The following SLC15A5 variants were observed in gnomAD, a reference collection of about 807,000 sequenced individuals.
SLC15A5 encodes Peptide/histidine transporter ENSP00000340402.
In SLC15A5, 58 loss-of-function variants were observed where a neutral mutation model predicts 56.1. The observed-to-expected ratio is 1.03, with a 90% CI of 0.84 to 1.29. The LOEUF (loss-of-function observed/expected upper bound fraction) is 1.29. Ranked by LOEUF, SLC15A5 falls within the 50% of genes most tolerant of loss-of-function variation. The probability of loss-of-function intolerance (pLI) is 0.00; values close to 1 mark genes in which losing one functional copy is unlikely to be tolerated. For missense variants in SLC15A5, 681 were observed against 672.1 expected, an observed-to-expected ratio of 1.01 and a Z score of -0.15; for synonymous variants, 264 against 250.5, an observed-to-expected ratio of 1.05 and a Z score of -0.51.
rs371040459 is a variant in SLC15A5, at chr12:16,272,787, T to C, written c.362-4A>G. The C allele has an allele frequency of 1.8e-4, 275 of 1,535,694 alleles. No homozygotes were observed. The highest frequency in any genetic ancestry group is 3.3e-4 in the Admixed American group (17 of 50,926). Reference sequence around the variant, plus strand: ...ACCACAGATAACAAAGCAGTGCCTGTAGGTGGAGAAAAAAAAAGAGTAAAT... The same window carrying C: ...ACCACAGATAACAAAGCAGTGCCTGCAGGTGGAGAAAAAAAAAGAGTAAAT... On this transcript the variant is annotated splice_region_variant and splice_polypyrimidine_tract_variant and intron_variant, in intron 1 of 8. Transcript: ENST00000344941.
chr12:16,260,372 C>A (rs1864631337), intron 2 of SLC15A5, among the ~76,000 whole-genome samples: 1 of 152,116 alleles, frequency 6.6e-6, no homozygotes, highest in East Asian at 1.9e-4. Flanking sequence ...TTCTTTCCAC[C>A]TTTTGGAATC....
intron 7 of SLC15A5, among the ~76,000 whole-genome samples, chr12:16,195,122 T>C (rs1015872457): frequency 1.3e-5 from 2 of 152,054 alleles, no homozygotes; most frequent in South Asian, 4.1e-4. Flanking sequence ...TATATGAAAC[T>C]ATTCAAGGTT....
intron 1 of SLC15A5, among the ~76,000 whole-genome samples, chr12:16,274,979 A>G (rs2136829443): frequency 6.6e-6 from 1 of 152,226 alleles, no homozygotes; most frequent in South Asian, 2.1e-4. Flanking sequence ...TCTCATCATC[A>G]GTATGCCTGC....
chr12:16,254,209 G>A (rs999093032), intron 3 of SLC15A5, among the ~76,000 whole-genome samples: 9 of 151,830 alleles, frequency 5.9e-5, no homozygotes, highest in African/African-American at 2.2e-4. Context: ...GTCTTAAAAG[G>A]ACAAAGACCC....
chr12:16,246,939 G>A (rs930213410), intron 3 of SLC15A5, among the ~76,000 whole-genome samples: 7 of 151,982 alleles, frequency 4.6e-5, no homozygotes, highest in East Asian at 1.9e-4. Context: ...CTCAACTATC[G>A]TGGTCAATTC....
At chr12:16,244,286 G>A (rs1022914965) in intron 4 of SLC15A5, among the ~76,000 whole-genome samples, 11 of 152,130 alleles carry the variant, frequency 7.2e-5, no homozygotes, top group African/African-American at 2.7e-4. Flanking sequence ...TGATATGTTC[G>A]TGCACTGCTC....
intron 3 of SLC15A5, among the ~76,000 whole-genome samples, chr12:16,249,531 T>C (rs1864499427): frequency 6.6e-6 from 1 of 152,136 alleles, no homozygotes; most frequent in Non-Finnish European, 1.5e-5. Flanking sequence ...TCTATGCTAA[T>C]TGTTCCTGTA....
intron 5 of SLC15A5, among the ~76,000 whole-genome samples, chr12:16,230,811 T>C (rs1217583869): frequency 5.3e-5 from 8 of 149,714 alleles, no homozygotes; most frequent in Non-Finnish European, 8.9e-5. Context: ...TAGTCCCAGC[T>C]ACTCGGGAGG....
At chr12:16,215,920 G>T (rs1251031202) in intron 7 of SLC15A5, among the ~76,000 whole-genome samples, 2 of 152,130 alleles carry the variant, frequency 1.3e-5, no homozygotes, top group Admixed American at 6.5e-5. Flanking sequence ...TATCACCAGT[G>T]CCCAGTATGG....
chr12:16,252,648 TGAA>T (rs1335670465), intron 3 of SLC15A5, among the ~76,000 whole-genome samples: 1 of 151,972 alleles, frequency 6.6e-6, no homozygotes, highest in Non-Finnish European at 1.5e-5. Flanking sequence ...TAAAAAAAAT[TGAA>T]GAATATACAA....
intron 7 of SLC15A5, among the ~76,000 whole-genome samples, chr12:16,199,790 C>T (rs555552114): frequency 1.1e-4 from 16 of 151,884 alleles, no homozygotes; most frequent in Non-Finnish European, 2.2e-4. Flanking sequence ...ACATAGTCAT[C>T]CAAGAAGTAT....
rs200058255 is a variant in SLC15A5, at chr12:16,237,792, C to CA, written c.1162+1888dup. ...GATTGGGGTGTTTCATGACACTGTA[C>CA]AAAACTGCTGAGATTTTTGGCATTT... On this transcript the variant is annotated intron_variant, in intron 5 of 8. Transcript: ENST00000344941. This position sits in a 1 kb window ranked among gnomAD's most constrained non-coding sequence, Gnocchi z 4.1. Among the ~76,000 whole-genome samples, 1,627 of 152,244 alleles carry CA rather than the reference C, an allele frequency of 0.011. 16 individuals carry two copies. Among genetic ancestry groups the CA allele is most frequent in the Non-Finnish European group, 0.018 (1,231 of 68,016 alleles).
chr12:16,198,561 T>A (rs1453803866), intron 7 of SLC15A5, among the ~76,000 whole-genome samples: 1 of 152,118 alleles, frequency 6.6e-6, no homozygotes, highest in Non-Finnish European at 1.5e-5. Flanking sequence ...CTCTTGGTGT[T>A]TAATGCAACT....
At position 16,189,597 on chromosome 12, in the gene SLC15A5, C is replaced by G. The variant is rs1302438137; in HGVS notation, c.*71G>C. On this transcript the variant is annotated 3_prime_UTR_variant, in exon 9 of 9. Coordinates refer to ENST00000344941, the MANE Select transcript of SLC15A5 (RefSeq NM_001170798.1). The stretch of plus-strand genomic sequence containing the variant: ...ATATATTGGCTTTTACACTAAAACA[C>G]ATAAAATGCTCAACTGAAGAAGAAA... 1 of 1,307,570 alleles carries G rather than the reference C, an allele frequency of 7.6e-7. No individual in the cohort carries two copies. Among genetic ancestry groups the G allele is most frequent in the African/African-American group, 1.5e-5 (1 of 67,342 alleles). The allele number at this position is 1,307,570 out of a possible 1,614,324, so 81.0% of individuals were successfully genotyped here. A position where few individuals can be genotyped will look rare whatever the true frequency, so the allele number is the denominator to read the frequency against.
Position 16,189,765 on chromosome 12 carries a change from A to C in SLC15A5, c.1643T>G (p.Leu548Arg). The change falls in exon 9 of 9, where the codon CTT (leucine) becomes CGT (arginine). Residue 548 changes from leucine to arginine, a missense_variant. By Grantham distance (102) the Leu-to-Arg change is moderately radical (BLOSUM62 -2). Coordinates refer to ENST00000344941, the MANE Select transcript of SLC15A5 (RefSeq NM_001170798.1). The stretch of plus-strand genomic sequence containing the variant: ...TTCGTGGAGGAGAAGTGTTTCTTCA[A>C]GATTACTTCCACGGATGTTCTGGGC... ...FNAQNIRGSN[L>R]EETLLLHEKS... 1 of 1,529,990 alleles carries C rather than the reference A, an allele frequency of 6.5e-7. No homozygotes were observed. Among genetic ancestry groups the C allele is most frequent in the Middle Eastern group, 1.7e-4 (1 of 5,950 alleles). The allele number at this position is 1,529,990 out of a possible 1,614,324, so 94.8% of individuals were successfully genotyped here.
chr12:16,238,165 T>C (rs1034549977), intron 5 of SLC15A5, among the ~76,000 whole-genome samples: 6 of 152,164 alleles, frequency 3.9e-5, no homozygotes, highest in Admixed American at 3.3e-4. Context: ...GTGAGTTTAG[T>C]CACTTTTAGT....
rs1157967038 is a variant in SLC15A5 at position 16,257,772 on chromosome 12, A to C, written c.683T>G (p.Phe228Cys). Residue 228 changes from phenylalanine to cysteine, a missense_variant, in exon 3 of 9, where the codon TTT (phenylalanine) becomes TGT (cysteine). Transcript: ENST00000344941. ...QAWALVLLIP[F>C]MSMLMAVITL... is the part of the protein sequence containing the mutation. ...TATCACAGCCATAAGCATAGACATA[A>C]AAGGAATAAGTAAAACAAGGGCCCA... The C allele has an allele frequency of 5.2e-6, 8 of 1,532,426 alleles. No individual in the cohort carries two copies. In the African/African-American group the frequency reaches 9.6e-5, roughly 18 times the overall value. The allele number at this position is 1,532,426 out of a possible 1,614,324, so 94.9% of individuals were successfully genotyped here. A position where few individuals can be genotyped will look rare whatever the true frequency, so the allele number is the denominator to read the frequency against.
chr12:16,265,383 A>G (rs1267563220), intron 2 of SLC15A5, among the ~76,000 whole-genome samples: 1 of 152,120 alleles, frequency 6.6e-6, no homozygotes, highest in Non-Finnish European at 1.5e-5. Flanking sequence ...AACTTGTCCT[A>G]TTTCTTGGCT....
At position 16,219,412 on chromosome 12, in the gene SLC15A5, T is replaced by C. The variant is rs529444086; in HGVS notation, c.1352-2388A>G. Among the ~76,000 whole-genome samples, 16 of 152,330 alleles carry C rather than the reference T, an allele frequency of 1.1e-4. No individual in the cohort carries two copies. The South Asian group carries it at 2.5e-3, about 24-fold the overall frequency. The stretch of plus-strand genomic sequence containing the variant: ...TAAAAAGGATTTGGCTTATAAACTT[T>C]CCTTTCCATAAGTACAAGGAGACAA... On this transcript the variant is annotated intron_variant, in intron 6 of 8. Transcript: ENST00000344941.
Sources: allele counts gnomAD v4.1 joint callset (sites outside exome capture counted in the v4.1 genomes callset), GRCh38; gene constraint gnomAD v4.1.1; non-coding constraint Gnocchi (gnomAD v3.1); transcripts MANE v1.5; gene names NCBI Gene and HGNC (gene_info 2026-07-23, HGNC 2026-07-21).